Variants in PIK3C2G observed in about 807,000 individuals in gnomAD.
PIK3C2G encodes phosphatidylinositol-4-phosphate 3-kinase catalytic subunit type 2 gamma.
Under a neutral mutation model 181.1 loss-of-function variants are expected in PIK3C2G, and 168 were observed. That is an observed-to-expected ratio of 0.93 (90% CI 0.82 to 1.05). The LOEUF is 1.05. Ranked by LOEUF, PIK3C2G falls within the 50% of genes least tolerant of loss-of-function variation. PIK3C2G has a pLI of 0.00. For synonymous variants in PIK3C2G, 573 were observed against 592.2 expected, an observed-to-expected ratio of 0.97 and a Z score of 0.47; for missense variants, 1,869 against 1,732.8, an observed-to-expected ratio of 1.08 and a Z score of -1.40.
chr12:18,320,180 G>A (rs1370693540), intron 6 of PIK3C2G: 3 of 152,156 alleles, frequency 2.0e-5, no homozygotes, highest in African/African-American at 7.2e-5. Context: ...TAGGCATTAA[G>A]GGACCCACTC....
At chr12:18,424,082 A>C in intron 18 of PIK3C2G, 43 bp downstream of exon 18, 1 of 1,143,406 alleles carries the variant, frequency 8.7e-7, no homozygotes, top group Non-Finnish European at 1.3e-6. Context: ...TTTAATTGCC[A>C]CCTTCTCTAT....
intron 32 of PIK3C2G, among the ~76,000 whole-genome samples, chr12:18,642,135 T>C (rs180959709): frequency 2.6e-3 from 393 of 152,326 alleles, no homozygotes; most frequent in Non-Finnish European, 3.2e-3. Context: ...CATTCATTCT[T>C]TCTTTTATAG....
intron 18 of PIK3C2G, among the ~76,000 whole-genome samples, chr12:18,436,771 G>C (rs188095441): frequency 5.3e-5 from 8 of 152,098 alleles, no homozygotes; most frequent in African/African-American, 1.9e-4. Context: ...GTGAAGTTGA[G>C]TTAAATGACT....
chr12:18,245,468 T>C (rs771796170), upstream of PIK3C2G, among the ~76,000 whole-genome samples: 2 of 145,180 alleles, frequency 1.4e-5, no homozygotes, highest in Non-Finnish European at 3.0e-5. Context: ...AAATCTGTAT[T>C]AAAAATTACC....
intron 31 of PIK3C2G, among the ~76,000 whole-genome samples, chr12:18,620,527 C>CAGATAGATAGAT (rs72448986): frequency 0.013 from 1,939 of 148,164 alleles, 23 homozygotes; most frequent in Admixed American, 0.022. Flanking sequence ...ATTAGACAGA[C>CAGATAGATAGAT]AGATAGATAG....
chr12:18,564,910 T>C (rs1945543107), intron 28 of PIK3C2G, among the ~76,000 whole-genome samples: 1 of 152,202 alleles, frequency 6.6e-6, no homozygotes, highest in South Asian at 2.1e-4. Context: ...CACCAATACA[T>C]ATCAGTATAA....
Position 18,338,467 on chromosome 12 carries a change from C to T in PIK3C2G, c.1314C>T (p.Cys438=). 6.4e-7 allele frequency: 1 copy of T among 1,574,160 alleles called. No homozygotes were observed. The highest frequency in any genetic ancestry group is 8.7e-7 in the Non-Finnish European group (1 of 1,146,130). ...YNIIEEVKKI[C]SVLGCVETKQ... is the part of the protein sequence containing the mutation. ...TTATTGAAGAAGTTAAAAAAATATG[C>T]AGTGTTCTAGGGTGTGTGGAAACCA... is the stretch of plus-strand genomic sequence containing the variant. The change falls in exon 9 of 33, where the codon TGC becomes TGT. Residue 438 remains cysteine, a synonymous_variant. Transcript: ENST00000538779.
At chr12:18,391,312 T>C in intron 15 of PIK3C2G, 60 bp downstream of exon 15, 2 of 1,333,970 alleles carry the variant, frequency 1.5e-6, no homozygotes, top group South Asian at 1.8e-5. Flanking sequence ...TCCTCAATCA[T>C]TCTTGAAGCA....
intron 31 of PIK3C2G, among the ~76,000 whole-genome samples, chr12:18,630,806 A>C (rs1949318200): frequency 6.6e-6 from 1 of 152,166 alleles, no homozygotes; most frequent in African/African-American, 2.4e-5. Context: ...TGGAATTCTA[A>C]AAGAAAAGAG....
chr12:18,621,476 A>G (rs1251034357), intron 31 of PIK3C2G, among the ~76,000 whole-genome samples: 1 of 151,816 alleles, frequency 6.6e-6, no homozygotes, highest in African/African-American at 2.4e-5. Context: ...TATCTACTAG[A>G]CTGTGACTTC....
chr12:18,504,173 C>A (rs1941681190), intron 23 of PIK3C2G, among the ~76,000 whole-genome samples: 1 of 152,138 alleles, frequency 6.6e-6, no homozygotes, highest in South Asian at 2.1e-4. Context: ...TGATTGGTCA[C>A]CCTACCTATG....
chr12:18,340,110 G>T (rs1938986837), intron 9 of PIK3C2G, among the ~76,000 whole-genome samples: 1 of 151,864 alleles, frequency 6.6e-6, no homozygotes, highest in Non-Finnish European at 1.5e-5. Context: ...ATAACAACAA[G>T]GTAAAACAAT....
At chr12:18,507,484 A>G (rs2136127462) in intron 24 of PIK3C2G, among the ~76,000 whole-genome samples, 1 of 152,342 alleles carries the variant, frequency 6.6e-6, no homozygotes, top group Admixed American at 6.5e-5. Context: ...ATTATTATAA[A>G]ATGTTATAAG....
chr12:18,626,734 C>T (rs1949115869), intron 31 of PIK3C2G, among the ~76,000 whole-genome samples: 1 of 151,818 alleles, frequency 6.6e-6, no homozygotes, highest in Non-Finnish European at 1.5e-5. Context: ...CTATATCATC[C>T]CACTCTCTCT....
intron 1 of PIK3C2G, among the ~76,000 whole-genome samples, chr12:18,270,694 T>C (rs1948711113): frequency 1.3e-5 from 2 of 152,162 alleles, no homozygotes; most frequent in Non-Finnish European, 2.9e-5. Flanking sequence ...GGTTAAAAGA[T>C]ATAATGCTTT....
chr12:18,434,080 A>T (rs1025806813), intron 18 of PIK3C2G, among the ~76,000 whole-genome samples: 1 of 152,204 alleles, frequency 6.6e-6, no homozygotes, highest in Admixed American at 6.5e-5. Flanking sequence ...ATCCAAGATC[A>T]AGATGCTAGC....
intron 14 of PIK3C2G, among the ~76,000 whole-genome samples, chr12:18,389,607 C>A (rs891239818): frequency 1.3e-5 from 2 of 152,104 alleles, no homozygotes; most frequent in South Asian, 2.1e-4. Context: ...TAAAAGTGTT[C>A]TAAAGCAAAT....
chr12:18,346,247 T>G (rs569359537), intron 10 of PIK3C2G, among the ~76,000 whole-genome samples: 2 of 152,346 alleles, frequency 1.3e-5, no homozygotes, highest in South Asian at 4.1e-4. Flanking sequence ...GATTAATTCT[T>G]TAGATGGAAT....
intron 24 of PIK3C2G, among the ~76,000 whole-genome samples, chr12:18,529,368 C>A (rs918092819): frequency 6.6e-6 from 1 of 152,094 alleles, no homozygotes; most frequent in African/African-American, 2.4e-5. Context: ...TAAAAAAAAT[C>A]TAATAGGTAC....
Sources: allele counts gnomAD v4.1 joint callset (sites outside exome capture counted in the v4.1 genomes callset), GRCh38; gene constraint gnomAD v4.1.1; transcripts MANE v1.5; gene names NCBI Gene and HGNC (gene_info 2026-07-23, HGNC 2026-07-21).